YLPM1: variants seen among roughly 807,000 people sequenced by gnomAD.
YLPM1 encodes the protein YLP motif-containing protein 1.
In YLPM1, 99 loss-of-function variants were observed where a neutral mutation model predicts 230.0. The observed-to-expected ratio is 0.43, with a 90% CI of 0.37 to 0.51. The LOEUF (loss-of-function observed/expected upper bound fraction) is 0.51, where lower values mean the gene tolerates loss of function less well. Among genes scored for constraint, YLPM1 ranks in the 20% least tolerant of loss-of-function variants. The pLI is 0.00. For missense variants in YLPM1, 2,592 were observed against 2,707.7 expected, an observed-to-expected ratio of 0.96 and a Z score of 0.95; for synonymous variants, 984 against 942.5, an observed-to-expected ratio of 1.04 and a Z score of -0.81.
chr14:74,802,777 C>G, intron 6 of YLPM1, 101 bp downstream of exon 6: 1 of 1,380,050 alleles, frequency 7.2e-7, no homozygotes. Context: ...CAAATTTCCT[C>G]TATAAAATGT....
At chr14:74,824,746 A>G (rs2091549650) in intron 18 of YLPM1, among the ~76,000 whole-genome samples, 1 of 152,100 alleles carries the variant, frequency 6.6e-6, no homozygotes, top group African/African-American at 2.4e-5. Flanking sequence ...ATAATAAATG[A>G]GAGTTTCTGA....
At chr14:74,821,521 A>G (rs186502501) in intron 17 of YLPM1, 210 of 155,126 alleles carry the variant, frequency 1.4e-3, no homozygotes, top group African/African-American at 4.6e-3. Flanking sequence ...AAGATCTCCA[A>G]ATTTGAGTTT....
Position 74,763,769 on chromosome 14 carries a change from G to C in YLPM1, c.280G>C (p.Gly94Arg). The change falls in exon 1 of 21, where the codon GGG becomes CGG. Residue 94 changes from glycine (G) to arginine (R), a missense_variant. Physicochemically the swap from Gly to Arg is moderately radical, Grantham distance 125 (BLOSUM62 -2). Coordinates refer to ENST00000325680, the MANE Select transcript of YLPM1 (RefSeq NM_019589.3). Reference sequence around the variant, plus strand: ...TCTGCCGCCCCCGCCAGTGATGCCGGGGGGCGGCTACGGAGACTGGCAGCC... The same window carrying C: ...TCTGCCGCCCCCGCCAGTGATGCCGCGGGGCGGCTACGGAGACTGGCAGCC... ...PPLPPPPVMP[G>R]GGYGDWQPPP... The C allele has an allele frequency of 6.7e-7, 1 of 1,487,582 alleles. No homozygotes were observed. Among genetic ancestry groups the C allele is most frequent in the Non-Finnish European group, 8.9e-7 (1 of 1,119,470 alleles). 92.1% of individuals were successfully genotyped at this position (1,487,582 alleles called of 1,614,324 possible).
At chr14:74,817,308 A>G (rs1340027832) in intron 15 of YLPM1, 31 bp downstream of exon 15, 4 of 1,541,178 alleles carry the variant, frequency 2.6e-6, no homozygotes, top group Non-Finnish European at 3.5e-6. Flanking sequence ...ATAATAGAGT[A>G]CTATCATGCG....
chr14:74,770,208 T>C (rs72732184), intron 1 of YLPM1, among the ~76,000 whole-genome samples: 8,780 of 145,726 alleles, frequency 0.06, 381 homozygotes, highest in Non-Finnish European at 0.091. Context: ...TAGCCAGGCA[T>C]GGTGTTGCAT....
chr14:74,765,913 A>T (rs1244972958), intron 1 of YLPM1, among the ~76,000 whole-genome samples: 3 of 152,188 alleles, frequency 2.0e-5, no homozygotes, highest in South Asian at 4.1e-4. Context: ...GTGCACATAG[A>T]CCAGATCAAG....
At chr14:74,834,239 A>G (rs899640466) in intron 19 of YLPM1, among the ~76,000 whole-genome samples, 1 of 151,758 alleles carries the variant, frequency 6.6e-6, no homozygotes, top group Non-Finnish European at 1.5e-5. Context: ...GTAAGAATAT[A>G]TATATATTAA....
chr14:74,809,539 G>A lies in YLPM1; in HGVS notation c.4681G>A (p.Val1561Met). Residue 1561 changes from valine (V) to methionine (M), a missense_variant, in exon 7 of 21, where the codon GTG (valine) becomes ATG (methionine). Physicochemically the swap from Val to Met is conservative, Grantham distance 21. Transcript: ENST00000325680. Reference sequence around the variant, plus strand: ...TCCACCTCTACCTCCTCCTCCTCCAGTGATAAAGCCACAAACTTCAGCTGT... The same window carrying A: ...TCCACCTCTACCTCCTCCTCCTCCAATGATAAAGCCACAAACTTCAGCTGT... The part of the protein sequence containing the change: ...PPPPLPPPPP[V>M]IKPQTSAVEQ... 2 of 1,596,442 alleles carry A rather than the reference G, an allele frequency of 1.3e-6. No individual in the cohort carries two copies. The highest frequency in any genetic ancestry group is 1.8e-5 in the Admixed American group (1 of 56,742).
intron 17 of YLPM1, chr14:74,821,404 G>C (rs982399984): frequency 2.3e-5 from 7 of 298,448 alleles, no homozygotes; most frequent in Non-Finnish European, 4.3e-5. Context: ...TTTTAGGGGA[G>C]TATACCTTTT....
chr14:74,816,854 C>G, intron 13 of YLPM1, 77 bp from the exon 14 acceptor site: 1 of 1,466,058 alleles, frequency 6.8e-7, no homozygotes, highest in Non-Finnish European at 9.1e-7. Flanking sequence ...TCATCTCTAT[C>G]CAAATACTAA....
chr14:74,781,750 A>G lies in YLPM1; in HGVS notation c.1707A>G (p.Leu569=), dbSNP rs756795005. 3.1e-6 allele frequency: 5 copies of G among 1,599,058 alleles called. No individual in the cohort carries two copies. Among genetic ancestry groups the G allele is most frequent in the Non-Finnish European group, 4.2e-6 (5 of 1,176,908 alleles). ...CCCCACCTGTTATGCCACCTTCTCT[A>G]CCAACCTCTGTTCCCCCACCAGGGA... ...GMPPPVMPPS[L]PTSVPPPGMP... is the part of the protein sequence containing the mutation. Residue 569 remains leucine, a synonymous_variant, in exon 4 of 21, where the codon CTA becomes CTG. Coordinates refer to ENST00000325680, the MANE Select transcript of YLPM1 (RefSeq NM_019589.3).
intron 4 of YLPM1, among the ~76,000 whole-genome samples, chr14:74,795,972 T>C (rs1276614201): frequency 6.6e-6 from 1 of 152,240 alleles, no homozygotes; most frequent in Non-Finnish European, 1.5e-5. Flanking sequence ...AAGAGGAGGA[T>C]GTGCCCTTTC....
chr14:74,798,465 C>T lies in YLPM1; in HGVS notation c.3168C>T (p.Asp1056=), dbSNP rs751706301. ...GCCCAGGATTGGTCAAGCAAGAAGA[C>T]TTTCGGGATAAGATGATGGGTAGAA... The part of the protein sequence containing the change: ...SRGPGLVKQE[D]FRDKMMGRRE... Residue 1056 remains aspartate, a synonymous_variant, in exon 5 of 21, where the codon GAC becomes GAT. Transcript: ENST00000325680. The T allele has an allele frequency of 3.7e-6, 6 of 1,613,868 alleles. No homozygotes were observed. The highest frequency in any genetic ancestry group is 1.1e-5 in the South Asian group (1 of 91,076).
chr14:74,763,474 C>CG lies in YLPM1; in HGVS notation c.-15dup. The stretch of plus-strand genomic sequence containing the variant: ...AGTAACGGCGCCAGGACGAGCCCTG[C>CG]GCCTTCTTTTTCGATATGTACCCGA... On this transcript the variant is annotated 5_prime_UTR_variant, in exon 1 of 21. Coordinates refer to ENST00000325680, the MANE Select transcript of YLPM1 (RefSeq NM_019589.3). 1 of 1,440,040 alleles carries CG rather than the reference C, an allele frequency of 6.9e-7. No homozygotes were observed. Among genetic ancestry groups the CG allele is most frequent in the Non-Finnish European group, 9.2e-7 (1 of 1,092,456 alleles). 89.2% of individuals were successfully genotyped at this position (1,440,040 alleles called of 1,614,324 possible). A position where few individuals can be genotyped will look rare whatever the true frequency, so the allele number is the denominator to read the frequency against.
At chr14:74,832,714 C>T (rs2091616510) in intron 19 of YLPM1, among the ~76,000 whole-genome samples, 1 of 152,188 alleles carries the variant, frequency 6.6e-6, no homozygotes, top group South Asian at 2.1e-4. Flanking sequence ...CTCAGGTGAT[C>T]TGTCTGCTGC....
chr14:74,818,125 T>C (rs1256877079), intron 15 of YLPM1, 106 bp from the exon 16 acceptor site: 3 of 478,080 alleles, frequency 6.3e-6, no homozygotes, highest in Admixed American at 4.2e-5. Context: ...ATTTAATTAA[T>C]ATTTAACAAT....
intron 1 of YLPM1, among the ~76,000 whole-genome samples, chr14:74,773,460 T>C (rs1379140836): frequency 1.3e-5 from 2 of 152,210 alleles, no homozygotes; most frequent in Non-Finnish European, 2.9e-5. Flanking sequence ...CTGTACAGTC[T>C]TCATATCTGT....
intron 4 of YLPM1, among the ~76,000 whole-genome samples, chr14:74,795,133 C>T (rs1262652074): frequency 6.6e-6 from 1 of 152,244 alleles, no homozygotes; most frequent in East Asian, 1.9e-4. Context: ...AGACACACTT[C>T]ACTTCACCTG....
intron 16 of YLPM1, among the ~76,000 whole-genome samples, chr14:74,819,343 C>G (rs896797911): frequency 2.1e-5 from 3 of 144,896 alleles, no homozygotes; most frequent in Non-Finnish European, 4.5e-5. Flanking sequence ...GGTGTAATCT[C>G]GGCTCACTGC....
Sources: gnomAD v4.1 joint callset for allele counts (sites outside exome capture counted in the v4.1 genomes callset) on GRCh38, gnomAD v4.1.1 for gene constraint, MANE v1.5 for transcripts, NCBI Gene and HGNC (gene_info 2026-07-23, HGNC 2026-07-21) for gene names.